The following RGS7 variants were observed in gnomAD, a reference collection of about 807,000 sequenced individuals.
RGS7 encodes the protein regulator of G-protein signaling 7.
Under a neutral mutation model 81.1 loss-of-function variants are expected in RGS7, and 27 were observed. The ratio of observed to expected loss-of-function variants is 0.33; its 90% CI spans 0.25 to 0.46. RGS7 has a LOEUF of 0.46. RGS7 is among the 20% of genes least tolerant of loss of function. The pLI, the probability that RGS7 is intolerant of heterozygous loss-of-function variation, is 1.00. For synonymous variants in RGS7, 208 were observed against 207.7 expected (o/e 1.00, Z -0.01); for missense variants, 396 against 607.4 (o/e 0.65, Z 3.66).
intron 3 of RGS7, among the ~76,000 whole-genome samples, chr1:241,081,534 A>C (rs2063136471): frequency 6.6e-6 from 1 of 152,228 alleles, no homozygotes; most frequent in Non-Finnish European, 1.5e-5. Context: ...TAAATAAAGT[A>C]CATCGATTTC....
chr1:240,934,420 A>G (rs929765849), intron 5 of RGS7, among the ~76,000 whole-genome samples: 6 of 152,196 alleles, frequency 3.9e-5, no homozygotes, highest in African/African-American at 7.2e-5. Context: ...GAACCAACGT[A>G]AAAACAGAAG....
chr1:240,855,702 TC>T (rs1437719106), intron 9 of RGS7, among the ~76,000 whole-genome samples: 1 of 152,170 alleles, frequency 6.6e-6, no homozygotes. Flanking sequence ...GTTTAACCAC[TC>T]TAATTTTATT....
chr1:241,211,518 T>C (rs552986774), intron 2 of RGS7, among the ~76,000 whole-genome samples: 1 of 152,174 alleles, frequency 6.6e-6, no homozygotes, highest in African/African-American at 2.4e-5. Context: ...TTAAGTGTCC[T>C]CTGTACCTGA....
At chr1:240,925,992 T>G (rs1319682905) in intron 6 of RGS7, among the ~76,000 whole-genome samples, 1 of 152,218 alleles carries the variant, frequency 6.6e-6, no homozygotes, top group Non-Finnish European at 1.5e-5. Flanking sequence ...CTTGTTGTAT[T>G]GTTTAAGTTC....
At chr1:240,977,897 C>A (rs1684380670) in intron 4 of RGS7, among the ~76,000 whole-genome samples, 1 of 152,166 alleles carries the variant, frequency 6.6e-6, no homozygotes, top group Non-Finnish European at 1.5e-5. Flanking sequence ...TCAGCCATGG[C>A]CATGTCTTGG....
At chr1:240,993,713 T>G (rs1340968425) in intron 3 of RGS7, among the ~76,000 whole-genome samples, 2 of 152,090 alleles carry the variant, frequency 1.3e-5, no homozygotes, top group African/African-American at 2.4e-5. Context: ...TTAATTTGGA[T>G]GAGGTCCAAT....
intron 9 of RGS7, among the ~76,000 whole-genome samples, chr1:240,861,953 C>G (rs1158319979): frequency 6.6e-6 from 1 of 152,078 alleles, no homozygotes; most frequent in African/African-American, 2.4e-5. Context: ...ACGCATTATT[C>G]TTTGTGTGTG....
chr1:240,973,451 A>G (rs1299466182), intron 4 of RGS7, among the ~76,000 whole-genome samples: 2 of 151,894 alleles, frequency 1.3e-5, no homozygotes, highest in African/African-American at 4.8e-5. Context: ...CTGAGGTTAC[A>G]GTGAGCCGAG....
At chr1:241,309,380 C>G (rs1052913998) in intron 2 of RGS7, among the ~76,000 whole-genome samples, 1 of 62,744 alleles carries the variant, frequency 1.6e-5, no homozygotes, top group Non-Finnish European at 2.9e-5. Context: ...GAGCGAAACT[C>G]CAACTCAAAA....
intron 10 of RGS7, among the ~76,000 whole-genome samples, chr1:240,818,398 A>G (rs1189649056): frequency 6.6e-6 from 1 of 152,170 alleles, no homozygotes; most frequent in Non-Finnish European, 1.5e-5. Flanking sequence ...ATGACTAAAA[A>G]AGGGAGCAGT....
intron 14 of RGS7, among the ~76,000 whole-genome samples, chr1:240,808,698 A>T (rs1255514606): frequency 6.6e-6 from 1 of 152,082 alleles, no homozygotes; most frequent in African/African-American, 2.4e-5. Flanking sequence ...CCATTACTGT[A>T]ATTATTGTAA....
At chr1:240,974,485 G>A (rs1031294643) in intron 4 of RGS7, among the ~76,000 whole-genome samples, 12 of 152,164 alleles carry the variant, frequency 7.9e-5, no homozygotes, top group Non-Finnish European at 1.6e-4. Context: ...TGATTATTGA[G>A]AATTGATTGA....
chr1:240,937,499 G>A (rs1385774480), intron 4 of RGS7, among the ~76,000 whole-genome samples: 1 of 152,112 alleles, frequency 6.6e-6, no homozygotes, highest in African/African-American at 2.4e-5. Flanking sequence ...CTCATCCAAT[G>A]ACAACAAGTC....
chr1:240,949,902 T>A (rs1186706462), intron 4 of RGS7, among the ~76,000 whole-genome samples: 1 of 150,890 alleles, frequency 6.6e-6, no homozygotes, highest in African/African-American at 2.4e-5. Context: ...CTGAGACATT[T>A]AAAGAGCTTA....
chr1:240,956,171 C>G (rs1326714756), intron 4 of RGS7, among the ~76,000 whole-genome samples: 1 of 152,146 alleles, frequency 6.6e-6, no homozygotes, highest in African/African-American at 2.4e-5. Context: ...GATGCACACA[C>G]TCTCTACCTT....
At chr1:240,806,562 TATAA>T (rs942324537) in intron 14 of RGS7, among the ~76,000 whole-genome samples, 33 of 147,764 alleles carry the variant, frequency 2.2e-4, no homozygotes, top group African/African-American at 7.6e-4. Context: ...ATTTTAAAAA[TATAA>T]ATAAAAAATA....
intron 4 of RGS7, among the ~76,000 whole-genome samples, chr1:240,979,181 G>A (rs554853476): frequency 6.6e-6 from 1 of 152,226 alleles, no homozygotes; most frequent in African/African-American, 2.4e-5. Context: ...CTAATAAACT[G>A]CTGGGAAAAG....
intron 2 of RGS7, among the ~76,000 whole-genome samples, chr1:241,140,884 G>C (rs1407484036): frequency 6.6e-6 from 1 of 152,120 alleles, no homozygotes; most frequent in Non-Finnish European, 1.5e-5. Flanking sequence ...AGACATATTT[G>C]ACACAACATT....
chr1:241,128,200 C>T (rs533851037), intron 2 of RGS7, among the ~76,000 whole-genome samples: 80 of 151,026 alleles, frequency 5.3e-4, no homozygotes, highest in African/African-American at 1.9e-3. Context: ...TGACGTGAAC[C>T]GGGAAAGTGG....
Sources: gnomAD v4.1 joint callset for allele counts (sites outside exome capture counted in the v4.1 genomes callset) on GRCh38, gnomAD v4.1.1 for gene constraint, MANE v1.5 for transcripts, NCBI Gene and HGNC (gene_info 2026-07-23, HGNC 2026-07-21) for gene names.